Variants in HIP1 observed in about 807,000 individuals in gnomAD.
HIP1 encodes the protein huntingtin-interacting protein 1.
HIP1 carries 65 observed loss-of-function variants against 147.6 expected under a neutral mutation model. The ratio of observed to expected loss-of-function variants is 0.44; its 90% confidence interval spans 0.36 to 0.54. HIP1 has a LOEUF of 0.54. Among genes scored for constraint, HIP1 ranks in the 20% least tolerant of loss-of-function variants. The pLI, the probability that HIP1 is intolerant of heterozygous loss-of-function variation, is 0.00. For missense variants in HIP1, 1,061 were observed against 1,299.6 expected, an observed-to-expected ratio of 0.82 and a Z score of 2.82; for synonymous variants, 479 against 504.0, an observed-to-expected ratio of 0.95 and a Z score of 0.67.
At chr7:75,721,677 G>A (rs1801508111) in intron 1 of HIP1, among the ~76,000 whole-genome samples, 1 of 152,240 alleles carries the variant, frequency 6.6e-6, no homozygotes, top group Admixed American at 6.5e-5. Flanking sequence ...GCAGAGGACA[G>A]AAGATGGTAA....
chr7:75,736,937 TG>T (rs1412193528), intron 1 of HIP1, among the ~76,000 whole-genome samples: 3 of 152,068 alleles, frequency 2.0e-5, no homozygotes, highest in African/African-American at 7.2e-5. Context: ...TTCACTTTTT[TG>T]TAGAGATAGA....
At chr7:75,616,597 GGAGGAGGAGGAGGAGGAA>G (rs1352012811) in intron 1 of HIP1, among the ~76,000 whole-genome samples, 1 of 151,244 alleles carries the variant, frequency 6.6e-6, no homozygotes, top group African/African-American at 2.4e-5. Flanking sequence ...AGGAGGAGGA[GGAGGAGGAGGAGGAGGAA>G]GAGGAGGAGG....
intron 1 of HIP1, among the ~76,000 whole-genome samples, chr7:75,672,916 G>A (rs550464644): frequency 6.6e-6 from 1 of 152,104 alleles, no homozygotes; most frequent in Admixed American, 6.6e-5. Flanking sequence ...GCTTATTTCT[G>A]GACCCCCAAT....
chr7:75,533,484 C>T lies in HIP1; in HGVS notation c.*4688G>A, dbSNP rs1482121968. ...TTCAAGGAACTACCCTAATGGAAAC[C>T]CAGGGGAAAGGTTAAAAACAGAAGA... On this transcript the variant is annotated 3_prime_UTR_variant, in exon 31 of 31. Transcript: ENST00000336926. The T allele has an allele frequency of 8.6e-6, 2 of 232,040 alleles. No homozygotes were observed. The highest frequency in any genetic ancestry group is 4.4e-5 in the African/African-American group (2 of 45,240). The allele number at this position is 232,040 out of a possible 1,614,324, so 14.4% of individuals were successfully genotyped here.
intron 1 of HIP1, among the ~76,000 whole-genome samples, chr7:75,609,362 G>A (rs74469225): frequency 6.6e-6 from 1 of 152,200 alleles, no homozygotes; most frequent in Non-Finnish European, 1.5e-5. Flanking sequence ...TCCCCCAGGG[G>A]GCCAGGGAAT....
At chr7:75,735,119 C>G (rs1221820380) in intron 1 of HIP1, among the ~76,000 whole-genome samples, 2 of 152,146 alleles carry the variant, frequency 1.3e-5, no homozygotes, top group Non-Finnish European at 2.9e-5. Context: ...AATAAATCAG[C>G]CAGGTAAGTA....
chr7:75,574,206 T>A (rs1554497225), intron 7 of HIP1, among the ~76,000 whole-genome samples: 1 of 151,212 alleles, frequency 6.6e-6, no homozygotes, highest in African/African-American at 2.4e-5. Context: ...GGCAGGAGAA[T>A]CGCTTGAACC....
intron 2 of HIP1, among the ~76,000 whole-genome samples, chr7:75,593,545 G>C (rs587773264): frequency 6.7e-6 from 1 of 148,176 alleles, no homozygotes; most frequent in Non-Finnish European, 1.5e-5. Context: ...CAAGAGAATT[G>C]CTTGAATCCG....
At chr7:75,699,852 AT>A (rs201726642) in intron 1 of HIP1, among the ~76,000 whole-genome samples, 12,823 of 147,132 alleles carry the variant, frequency 0.087, 842 homozygotes, top group African/African-American at 0.18. Context: ...AGCAGCACTG[AT>A]TTTTTTTTTT....
At chr7:75,555,713 G>T (rs1228415134) in intron 18 of HIP1, among the ~76,000 whole-genome samples, 162 bp from the exon 19 acceptor site, 1 of 151,624 alleles carries the variant, frequency 6.6e-6, no homozygotes, top group Non-Finnish European at 1.5e-5. Flanking sequence ...GTGTGCACAG[G>T]ATGTGCGGCT....
At chr7:75,549,839 G>GTT (rs34920736) in intron 22 of HIP1, among the ~76,000 whole-genome samples, 1 of 136,408 alleles carries the variant, frequency 7.3e-6, no homozygotes, top group Non-Finnish European at 1.6e-5. Context: ...CCGGATAATT[G>GTT]TTTTTTTTTT....
chr7:75,553,206 G>C (rs1264850614), intron 22 of HIP1, among the ~76,000 whole-genome samples: 1 of 151,800 alleles, frequency 6.6e-6, no homozygotes, highest in Non-Finnish European at 1.5e-5. Flanking sequence ...CCAAAGTGCT[G>C]GGATTACAGG....
rs1794960308 is a variant in HIP1 at position 75,555,421 on chromosome 7, G to C, written c.1958C>G (p.Ser653Cys). 10 of 1,613,630 alleles carry C rather than the reference G, an allele frequency of 6.2e-6. No individual in the cohort carries two copies. Among genetic ancestry groups the C allele is most frequent in the South Asian group, 2.2e-5 (2 of 91,056 alleles). ...CTGGGCAATTGCAAGTGTACCTGCA[G>C]ACCCAGCGCAGCTGATGAGAGGAGG... ...EEPPLISCAG[S>C]ADHLLSTVTS... The change falls in exon 19 of 31, where the codon TCT becomes TGT. Residue 653 changes from serine (S) to cysteine (C), a missense_variant. Ser to Cys is a moderately radical substitution (Grantham distance 112, BLOSUM62 -1). This residue lies in a region of HIP1 where 810 missense variants were observed against 946.8 expected (regional missense o/e 0.86). Transcript: ENST00000336926.
intron 24 of HIP1, among the ~76,000 whole-genome samples, chr7:75,547,237 G>C (rs781910492): frequency 9.2e-5 from 14 of 152,074 alleles, no homozygotes; most frequent in African/African-American, 3.4e-4. Context: ...GGTCTCCATC[G>C]TAAGGAATAG....
intron 1 of HIP1, among the ~76,000 whole-genome samples, chr7:75,645,956 G>C (rs991152580): frequency 6.6e-6 from 1 of 152,188 alleles, no homozygotes; most frequent in East Asian, 1.9e-4. Flanking sequence ...GAGGGGACAA[G>C]TGTTGAAAAA....
intron 22 of HIP1, among the ~76,000 whole-genome samples, chr7:75,550,126 A>T (rs975969244): frequency 6.6e-6 from 1 of 152,224 alleles, no homozygotes; most frequent in African/African-American, 2.4e-5. Context: ...AACAAATGGC[A>T]GGGCAGGGAT....
At chr7:75,700,341 C>T (rs570885302) in intron 1 of HIP1, among the ~76,000 whole-genome samples, 7 of 152,202 alleles carry the variant, frequency 4.6e-5, no homozygotes, top group African/African-American at 1.4e-4. Flanking sequence ...TGACTTGTGG[C>T]GCCTGGCCCT....
At chr7:75,676,423 C>T (rs1554516014) in intron 1 of HIP1, among the ~76,000 whole-genome samples, 1 of 152,184 alleles carries the variant, frequency 6.6e-6, no homozygotes, top group Non-Finnish European at 1.5e-5. Flanking sequence ...TTCCTGGGCA[C>T]ACACGCAGCC....
intron 30 of HIP1, 99 bp downstream of exon 30, chr7:75,539,224 T>C: frequency 1.3e-6 from 1 of 777,610 alleles, no homozygotes. Context: ...GCCACCGATC[T>C]GGTGGGTTCC....
Sources: allele counts gnomAD v4.1 joint callset (sites outside exome capture counted in the v4.1 genomes callset), GRCh38; gene constraint gnomAD v4.1.1; regional missense constraint gnomAD v4.1.1; transcripts MANE v1.5; gene names NCBI Gene and HGNC (gene_info 2026-07-23, HGNC 2026-07-21).